NHS: variants seen among roughly 807,000 people sequenced by gnomAD.
NHS encodes the protein NHS actin remodeling regulator, also known as actin remodeling regulator NHS.
Under a neutral mutation model 72.5 loss-of-function variants are expected in NHS, and 5 were observed. That is an observed-to-expected ratio of 0.07 (90% CI 0.04 to 0.14). The LOEUF (loss-of-function observed/expected upper bound fraction) is 0.14. Ranked by LOEUF, NHS falls within the 10% of genes least tolerant of loss-of-function variation. The pLI is 1.00. For synonymous variants in NHS, 464 were observed against 547.7 expected, an observed-to-expected ratio of 0.85 and a Z score of 2.13; for missense variants, 1,072 against 1,355.7, an observed-to-expected ratio of 0.79 and a Z score of 3.29.
At chrX:17,419,978 A>G (rs1601698011) in intron 1 of NHS, among the ~76,000 whole-genome samples, 1 of 111,466 alleles carries the variant, frequency 9.0e-6, no homozygotes, top group South Asian at 3.8e-4. Flanking sequence ...ATTAACTGTG[A>G]CTTTCTTCAG....
At chrX:17,695,535 TA>T (rs1036765712) in intron 3 of NHS, among the ~76,000 whole-genome samples, 1 of 111,360 alleles carries the variant, frequency 9.0e-6, no homozygotes, top group African/African-American at 3.3e-5. Context: ...TACATACGCA[TA>T]GGGGGAAAAG....
chrX:17,607,036 A>G (rs960767514), intron 1 of NHS, among the ~76,000 whole-genome samples: 14 of 112,087 alleles, frequency 1.2e-4, no homozygotes, highest in African/African-American at 4.2e-4. Context: ...CATAGCTTGT[A>G]AGTGACAGAG....
chrX:17,608,870 C>T (rs969594292), intron 1 of NHS, among the ~76,000 whole-genome samples: 1 of 111,830 alleles, frequency 8.9e-6, no homozygotes, highest in Non-Finnish European at 1.9e-5. Flanking sequence ...AAATAGTACT[C>T]AAAGCCTCAG....
intron 5 of NHS, among the ~76,000 whole-genome samples, chrX:17,723,252 C>T (rs1450580550): frequency 1.8e-5 from 2 of 111,965 alleles, no homozygotes; most frequent in Non-Finnish European, 3.8e-5. Context: ...CAAGACTTGA[C>T]ACACCACCCA....
At chrX:17,410,442 G>A (rs1269965544) in intron 1 of NHS, among the ~76,000 whole-genome samples, 1 of 108,761 alleles carries the variant, frequency 9.2e-6, no homozygotes, top group Non-Finnish European at 1.9e-5. Flanking sequence ...TATCTGCCCA[G>A]ATAAAGGTCG....
intron 8 of NHS, among the ~76,000 whole-genome samples, chrX:17,730,702 A>T (rs955988248): frequency 1.6e-4 from 18 of 112,667 alleles, no homozygotes; most frequent in Admixed American, 1.9e-4. Flanking sequence ...TGAGTTTGGT[A>T]ATCTTAGACT....
rs1233816386 is a variant in NHS at position 17,726,115 on chromosome X, A to T, written c.2009A>T (p.Asn670Ile). The T allele has an allele frequency of 1.7e-6, 2 of 1,210,137 alleles. No homozygotes were observed. Among genetic ancestry groups the T allele is most frequent in the Non-Finnish European group, 2.2e-6 (2 of 895,279 alleles). The change falls in exon 7 of 9, where the codon AAC becomes ATC. Residue 670 changes from asparagine to isoleucine, a missense_variant. By Grantham distance (149) the Asn-to-Ile change is moderately radical (BLOSUM62 -3). Transcript: ENST00000676302. Reference protein sequence around the residue: ...SSHCDSELSLNTAPHANEDAS... With the variant: ...SSHCDSELSLITAPHANEDAS... ...CACTGTGACTCGGAGTTGTCACTAA[A>T]CACAGCCCCTCATGCCAATGAGGAT...
chrX:17,569,635 G>T (rs1011131822), intron 1 of NHS, among the ~76,000 whole-genome samples: 2 of 112,032 alleles, frequency 1.8e-5, no homozygotes, highest in Non-Finnish European at 3.8e-5. Flanking sequence ...TCACTCTGAT[G>T]ATAGTTTCTT....
intron 1 of NHS, among the ~76,000 whole-genome samples, chrX:17,404,570 G>T (rs2064518863): frequency 9.0e-6 from 1 of 110,913 alleles, no homozygotes; most frequent in Non-Finnish European, 1.9e-5. Context: ...TAAATGAACT[G>T]GTTTTCAAGA....
rs2066441346 is a variant in NHS at position 17,726,110 on chromosome X, A to G, written c.2004A>G (p.Ser668=). ...CTTCACACTGTGACTCGGAGTTGTCACTAAACACAGCCCCTCATGCCAATG... is the reference window on the plus strand; with the variant it reads ...CTTCACACTGTGACTCGGAGTTGTCGCTAAACACAGCCCCTCATGCCAATG... ...TGSSHCDSEL[S]LNTAPHANED... Residue 668 remains serine (S), a synonymous_variant, in exon 7 of 9, where the codon TCA becomes TCG. Coordinates refer to ENST00000676302, the MANE Select transcript of NHS (RefSeq NM_001291867.2). The G allele has an allele frequency of 8.3e-7, 1 of 1,211,861 alleles. No homozygotes were observed. The highest frequency in any genetic ancestry group is 1.1e-6 in the Non-Finnish European group (1 of 895,536).
At chrX:17,578,946 G>A (rs1347621245) in intron 1 of NHS, among the ~76,000 whole-genome samples, 1 of 111,790 alleles carries the variant, frequency 8.9e-6, no homozygotes, top group African/African-American at 3.3e-5. Flanking sequence ...GTGCGCATGT[G>A]TGTGAGTGTG....
rs2066497964 is a variant in NHS at position 17,732,773 on chromosome X, G to A, written c.*309G>A. 5 of 279,390 alleles carry A rather than the reference G, an allele frequency of 1.8e-5. No homozygotes were observed. The Admixed American group carries it at 2.1e-4, about 12-fold the overall frequency. The allele number at this position is 279,390 out of a possible 1,213,427, so 23.0% of individuals were successfully genotyped here. A position where few individuals can be genotyped will look rare whatever the true frequency, so the allele number is the denominator to read the frequency against. ...CTAATTTTCATGACACCTAGAAAAC[G>A]TTTTCCCAGAGCTGCCTATTCAGAA... is the stretch of plus-strand genomic sequence containing the variant. On this transcript the variant is annotated 3_prime_UTR_variant, in exon 9 of 9. Transcript: ENST00000676302.
intron 1 of NHS, among the ~76,000 whole-genome samples, chrX:17,555,272 T>C (rs192154091): frequency 9.3e-6 from 1 of 107,193 alleles, no homozygotes; most frequent in Non-Finnish European, 1.9e-5. Context: ...TTGTTTCCCA[T>C]TCAGTAGTTT....
At chrX:17,601,807 C>T (rs1219410149) in intron 1 of NHS, among the ~76,000 whole-genome samples, 1 of 111,798 alleles carries the variant, frequency 8.9e-6, no homozygotes, top group African/African-American at 3.3e-5. Context: ...ACTGGTGCTT[C>T]ATTCGATCCC....
At chrX:17,443,396 A>G (rs981004886) in intron 1 of NHS, among the ~76,000 whole-genome samples, 3 of 111,796 alleles carry the variant, frequency 2.7e-5, no homozygotes, top group African/African-American at 9.8e-5. Flanking sequence ...GGTGCTTTCC[A>G]GAGCCCTGTC....
chrX:17,525,986 C>T (rs1016056689), intron 1 of NHS, among the ~76,000 whole-genome samples: 4 of 111,790 alleles, frequency 3.6e-5, no homozygotes, highest in African/African-American at 1.3e-4. Context: ...TCTAGAGCAG[C>T]CTTTCCCTAG....
chrX:17,718,636 AAGG>A (rs2066381927), intron 3 of NHS, among the ~76,000 whole-genome samples: 1 of 96,242 alleles, frequency 1.0e-5, no homozygotes, highest in Non-Finnish European at 2.1e-5. Context: ...GGAAGGAAAA[AAGG>A]AAGGAAGAAG....
At chrX:17,532,000 G>A (rs1160933449) in intron 1 of NHS, among the ~76,000 whole-genome samples, 1 of 110,787 alleles carries the variant, frequency 9.0e-6, no homozygotes, top group African/African-American at 3.3e-5. Context: ...ATGGAGTGAG[G>A]ACCCATTCAT....
intron 1 of NHS, among the ~76,000 whole-genome samples, chrX:17,382,288 T>A (rs1353026288): frequency 8.9e-6 from 1 of 112,047 alleles, no homozygotes; most frequent in African/African-American, 3.2e-5. Flanking sequence ...CTTTTATGTA[T>A]TTTGAATATG....
Sources: allele counts gnomAD v4.1 joint callset (sites outside exome capture counted in the v4.1 genomes callset), GRCh38; gene constraint gnomAD v4.1.1; transcripts MANE v1.5; gene names NCBI Gene and HGNC (gene_info 2026-07-23, HGNC 2026-07-21).